MAP3K5: variants seen among roughly 807,000 people sequenced by gnomAD.
MAP3K5 encodes mitogen-activated protein kinase kinase kinase 5.
A neutral mutation model predicts 158.7 loss-of-function variants in MAP3K5; 56 were observed. The ratio of observed to expected loss-of-function variants is 0.35; its 90% confidence interval spans 0.28 to 0.44. The LOEUF (loss-of-function observed/expected upper bound fraction) is 0.44. Ranked by LOEUF, MAP3K5 falls within the 20% of genes least tolerant of loss-of-function variation. The pLI is 1.00. For missense variants in MAP3K5, 1,294 were observed against 1,674.8 expected, an observed-to-expected ratio of 0.77 and a Z score of 3.97; for synonymous variants, 579 against 601.7, an observed-to-expected ratio of 0.96 and a Z score of 0.55.
chr6:136,707,235 T>G (rs1484463159), intron 2 of MAP3K5, among the ~76,000 whole-genome samples: 2 of 152,234 alleles, frequency 1.3e-5, no homozygotes, highest in Non-Finnish European at 2.9e-5. Context: ...ATTTAATATT[T>G]ATGTAAGTCT....
intron 11 of MAP3K5, among the ~76,000 whole-genome samples, chr6:136,643,153 C>A (rs1036111681): frequency 6.2e-4 from 94 of 152,180 alleles, no homozygotes; most frequent in African/African-American, 2.2e-3. Flanking sequence ...AAAGTATGAA[C>A]ATCAAAAATT....
At chr6:136,709,927 C>T (rs2114730542) in intron 2 of MAP3K5, among the ~76,000 whole-genome samples, 1 of 152,262 alleles carries the variant, frequency 6.6e-6, no homozygotes, top group Admixed American at 6.5e-5. Flanking sequence ...AGAGTCCCAT[C>T]TCTTAAAAAG....
intron 13 of MAP3K5, among the ~76,000 whole-genome samples, chr6:136,638,981 T>A (rs1777784063): frequency 6.6e-6 from 1 of 152,174 alleles, no homozygotes; most frequent in South Asian, 2.1e-4. Context: ...AAACATACAA[T>A]GGAGAAAAAC....
At chr6:136,610,079 T>C (rs982068972) in intron 18 of MAP3K5, among the ~76,000 whole-genome samples, 6 of 152,116 alleles carry the variant, frequency 3.9e-5, no homozygotes, top group Non-Finnish European at 5.9e-5. Context: ...GATGGGGCCA[T>C]GTTGCTTCAT....
intron 25 of MAP3K5, among the ~76,000 whole-genome samples, chr6:136,568,612 C>A (rs188304501): frequency 1.3e-5 from 2 of 152,248 alleles, no homozygotes; most frequent in South Asian, 4.1e-4. Flanking sequence ...CAGTGGCTCA[C>A]GCCTGTAATC....
rs375199560 is a variant in MAP3K5 at position 136,772,101 on chromosome 6, G to GT, written c.448+19608_448+19609insA. ...TTTTTGTATTTTTTAGTAGAAATGG[G>GT]GGGGGGGGGTTTACCATGTTGGCCA... On this transcript the variant is annotated intron_variant, in intron 1 of 29. Transcript: ENST00000359015. Among the ~76,000 whole-genome samples the GT allele has an allele frequency of 3.3e-3, 479 of 143,262 alleles. 6 individuals are homozygous for GT. Among genetic ancestry groups the GT allele is most frequent in the African/African-American group, 0.012 (459 of 38,684 alleles). The allele number at this position is 143,262 out of a possible 152,430, so 94.0% of individuals were successfully genotyped here. A position where few individuals can be genotyped will look rare whatever the true frequency, so the allele number is the denominator to read the frequency against.
intron 11 of MAP3K5, among the ~76,000 whole-genome samples, chr6:136,650,696 G>A (rs1173113190): frequency 2.6e-5 from 4 of 152,036 alleles, no homozygotes; most frequent in Admixed American, 6.6e-5. Flanking sequence ...CATAACTTAC[G>A]GCATGAATTT....
At chr6:136,608,073 G>A (rs1776176724) in intron 18 of MAP3K5, among the ~76,000 whole-genome samples, 2 of 152,162 alleles carry the variant, frequency 1.3e-5, no homozygotes, top group Non-Finnish European at 2.9e-5. Flanking sequence ...GGTAGCGGCA[G>A]GAGGAAAAGC....
At chr6:136,699,315 A>G (rs1443847055) in intron 3 of MAP3K5, among the ~76,000 whole-genome samples, 1 of 152,080 alleles carries the variant, frequency 6.6e-6, no homozygotes, top group East Asian at 1.9e-4. Flanking sequence ...CCATGCACCA[A>G]TGGACCTGGC....
intron 7 of MAP3K5, among the ~76,000 whole-genome samples, chr6:136,674,058 C>T (rs1402503257): frequency 6.6e-6 from 1 of 151,670 alleles, no homozygotes. Context: ...ATAAAATTGA[C>T]AGTAGACTTT....
chr6:136,783,958 G>C (rs527378356), intron 1 of MAP3K5, among the ~76,000 whole-genome samples: 2 of 152,152 alleles, frequency 1.3e-5, no homozygotes, highest in African/African-American at 2.4e-5. Flanking sequence ...CTGCAAACCA[G>C]AAACAGGAAC....
At chr6:136,767,921 C>T (rs767019576) in intron 1 of MAP3K5, among the ~76,000 whole-genome samples, 7 of 152,042 alleles carry the variant, frequency 4.6e-5, no homozygotes, top group Non-Finnish European at 1.0e-4. Flanking sequence ...AAGGGTGATA[C>T]GAAAATCCAA....
At chr6:136,660,951 T>G (rs1778979938) in intron 8 of MAP3K5, among the ~76,000 whole-genome samples, 1 of 152,188 alleles carries the variant, frequency 6.6e-6, no homozygotes, top group South Asian at 2.1e-4. Flanking sequence ...AAACAGCTTT[T>G]TTTTTTTTCC....
chr6:136,737,028 T>G (rs1176587388), intron 1 of MAP3K5, among the ~76,000 whole-genome samples: 1 of 127,772 alleles, frequency 7.8e-6, no homozygotes, highest in African/African-American at 3.1e-5. Flanking sequence ...TACATATATA[T>G]ATGTGTGTGT....
At chr6:136,768,515 G>A (rs896323434) in intron 1 of MAP3K5, among the ~76,000 whole-genome samples, 29 of 152,188 alleles carry the variant, frequency 1.9e-4, no homozygotes, top group African/African-American at 5.3e-4. Flanking sequence ...CATCCACTAG[G>A]ATGGCTTAAT....
intron 7 of MAP3K5, among the ~76,000 whole-genome samples, chr6:136,681,743 C>A (rs181222600): frequency 6.6e-6 from 1 of 152,086 alleles, no homozygotes; most frequent in African/African-American, 2.4e-5. Flanking sequence ...GGTGAAACTC[C>A]GTCTCTACTA....
chr6:136,741,142 A>C (rs1413575654), intron 1 of MAP3K5, among the ~76,000 whole-genome samples: 1 of 152,200 alleles, frequency 6.6e-6, no homozygotes, highest in Non-Finnish European at 1.5e-5. Flanking sequence ...ATCCAGGCAA[A>C]TGATAAACAA....
At chr6:136,770,128 ATTTATT>A (rs1181519546) in intron 1 of MAP3K5, among the ~76,000 whole-genome samples, 3 of 151,918 alleles carry the variant, frequency 2.0e-5, no homozygotes, top group Non-Finnish European at 4.4e-5. Flanking sequence ...TTTTATTTTT[ATTTATT>A]TTTATTTTTT....
At chr6:136,722,330 G>T (rs1023414863) in intron 1 of MAP3K5, among the ~76,000 whole-genome samples, 1 of 152,038 alleles carries the variant, frequency 6.6e-6, no homozygotes, top group Admixed American at 6.6e-5. Context: ...TTTAAAAGAA[G>T]ATAATTTCTT....
Sources: gnomAD v4.1 joint callset for allele counts (sites outside exome capture counted in the v4.1 genomes callset) on GRCh38, gnomAD v4.1.1 for gene constraint, MANE v1.5 for transcripts, NCBI Gene and HGNC (gene_info 2026-07-23, HGNC 2026-07-21) for gene names.